The following ERICH1 variants were observed in gnomAD, a reference collection of about 807,000 sequenced individuals.
ERICH1 encodes glutamate-rich protein 1.
ERICH1 carries 56 observed loss-of-function variants against 39.6 expected under a neutral mutation model. The ratio of observed to expected loss-of-function variants is 1.41; its 90% confidence interval spans 1.14 to 1.77. The LOEUF is 1.77. Ranked by LOEUF, ERICH1 falls within the 40% of genes most tolerant of loss-of-function variation. ERICH1 has a pLI of 0.00. For missense variants in ERICH1, 826 were observed against 575.4 expected (o/e 1.44, Z -4.45); for synonymous variants, 313 against 223.6 (o/e 1.40, Z -3.57).
At chr8:731,063 G>A (rs1819882114) in intron 1 of ERICH1, 77 bp downstream of exon 1, 1 of 1,370,344 alleles carries the variant, frequency 7.3e-7, no homozygotes, top group Non-Finnish European at 9.5e-7. Flanking sequence ...CGGGGTCGGG[G>A]TCCCGAGTCA....
chr8:701,335 G>T (rs887745316), intron 2 of ERICH1, among the ~76,000 whole-genome samples: 1 of 151,794 alleles, frequency 6.6e-6, no homozygotes, highest in African/African-American at 2.4e-5. Flanking sequence ...CTGGACGGGA[G>T]CACGCCGTAC....
chr8:627,946 G>A (rs1009754447), intron 3 of ERICH1, among the ~76,000 whole-genome samples: 1 of 152,178 alleles, frequency 6.6e-6, no homozygotes, highest in Admixed American at 6.5e-5. Flanking sequence ...AGGGGCCGGG[G>A]GGGCCTGGAA....
At chr8:642,218 CCAT>C (rs1799074843) in intron 3 of ERICH1, among the ~76,000 whole-genome samples, 1 of 152,162 alleles carries the variant, frequency 6.6e-6, no homozygotes, top group Non-Finnish European at 1.5e-5. Flanking sequence ...GCACTGGTGT[CCAT>C]CAGGGCCCAC....
chr8:689,693 A>G (rs1035725421), intron 3 of ERICH1, among the ~76,000 whole-genome samples: 4 of 152,190 alleles, frequency 2.6e-5, no homozygotes, highest in Non-Finnish European at 4.4e-5. Flanking sequence ...TGGCATAGGG[A>G]CACACTGTCG....
chr8:642,752 T>A (rs1799160708), intron 3 of ERICH1, among the ~76,000 whole-genome samples: 1 of 152,070 alleles, frequency 6.6e-6, no homozygotes, highest in Admixed American at 6.5e-5. Flanking sequence ...CCTCTTCTTG[T>A]GGAGTTCTCA....
At chr8:694,537 C>G (rs200000977) in intron 2 of ERICH1, among the ~76,000 whole-genome samples, 1 of 152,268 alleles carries the variant, frequency 6.6e-6, no homozygotes, top group South Asian at 2.1e-4. Context: ...CAAAACGCAC[C>G]GCGCCAGGGA....
intron 3 of ERICH1, among the ~76,000 whole-genome samples, chr8:684,570 G>T (rs911195423): frequency 2.0e-5 from 3 of 152,088 alleles, no homozygotes; most frequent in Non-Finnish European, 4.4e-5. Context: ...CAGAGAAGAG[G>T]GGGGCTCTGA....
At chr8:713,023 G>A (rs1585597192) in intron 2 of ERICH1, among the ~76,000 whole-genome samples, 2 of 152,384 alleles carry the variant, frequency 1.3e-5, no homozygotes, top group East Asian at 3.9e-4. Context: ...AGGCTGGAAG[G>A]CCAAGGTCAT....
At chr8:722,363 C>T (rs892933465) in intron 1 of ERICH1, among the ~76,000 whole-genome samples, 1 of 151,920 alleles carries the variant, frequency 6.6e-6, no homozygotes, top group African/African-American at 2.4e-5. Context: ...TGCCGCAACA[C>T]CCAGCAGAAA....
intron 2 of ERICH1, among the ~76,000 whole-genome samples, chr8:705,177 A>G (rs774204852): frequency 5.3e-5 from 8 of 152,366 alleles, no homozygotes; most frequent in Admixed American, 1.3e-4. Context: ...TAACCGTACA[A>G]GAACATTTTC....
chr8:727,900 A>C (rs943790263), intron 1 of ERICH1, among the ~76,000 whole-genome samples: 4 of 152,100 alleles, frequency 2.6e-5, no homozygotes, highest in African/African-American at 9.7e-5. Context: ...TGGGGCAGGG[A>C]CTCTGCTTAA....
intron 3 of ERICH1, among the ~76,000 whole-genome samples, chr8:684,079 T>TA (rs1806763674): frequency 6.6e-6 from 1 of 152,256 alleles, no homozygotes; most frequent in African/African-American, 2.4e-5. Flanking sequence ...AACAGCTTGA[T>TA]AGATACTTTT....
intron 3 of ERICH1, among the ~76,000 whole-genome samples, chr8:677,103 A>G (rs1029954727): frequency 3.3e-5 from 5 of 152,208 alleles, no homozygotes; most frequent in African/African-American, 1.2e-4. Context: ...CTGGACAGGA[A>G]CCCTGCAGAG....
At chr8:682,756 A>G (rs1051355847) in intron 3 of ERICH1, among the ~76,000 whole-genome samples, 27 of 152,380 alleles carry the variant, frequency 1.8e-4, no homozygotes, top group Non-Finnish European at 2.1e-4. Context: ...AAATAGTTAG[A>G]TAACAAAAAT....
At chr8:669,606 C>T (rs1003620490) in intron 4 of ERICH1, among the ~76,000 whole-genome samples, 8 of 152,140 alleles carry the variant, frequency 5.3e-5, no homozygotes, top group Non-Finnish European at 8.8e-5. Flanking sequence ...TCCCCTGGCC[C>T]GTCTACACCT....
chr8:728,002 C>T (rs1819176765), intron 1 of ERICH1, among the ~76,000 whole-genome samples: 1 of 152,190 alleles, frequency 6.6e-6, no homozygotes, highest in South Asian at 2.1e-4. Context: ...GACAGCCTGG[C>T]ACTCCTCTGA....
chr8:619,278 C>G (rs867051766), intron 3 of ERICH1, among the ~76,000 whole-genome samples: 1 of 152,060 alleles, frequency 6.6e-6, no homozygotes, highest in Non-Finnish European at 1.5e-5. Flanking sequence ...AAGGAGGCCC[C>G]GGTGAGACCC....
intron 1 of ERICH1, among the ~76,000 whole-genome samples, chr8:719,524 T>A (rs1219818310): frequency 6.6e-6 from 1 of 152,214 alleles, no homozygotes; most frequent in Non-Finnish European, 1.5e-5. Context: ...GGTTTCTCCC[T>A]GCCAAGCGAC....
chr8:688,612 A>T (rs1416783195), intron 3 of ERICH1, among the ~76,000 whole-genome samples: 1 of 152,208 alleles, frequency 6.6e-6, no homozygotes, highest in South Asian at 2.1e-4. Context: ...TACTCAGTGT[A>T]CTTGCAAAAA....
Sources: gnomAD v4.1 joint callset for allele counts (sites outside exome capture counted in the v4.1 genomes callset) on GRCh38, gnomAD v4.1.1 for gene constraint, MANE v1.5 for transcripts, NCBI Gene and HGNC (gene_info 2026-07-23, HGNC 2026-07-21) for gene names.